The following PRKCE variants were observed in gnomAD, a reference collection of about 807,000 sequenced individuals.
The protein encoded by PRKCE is protein kinase C epsilon.
A neutral mutation model predicts 85.4 loss-of-function variants in PRKCE; 16 were observed. That is an observed-to-expected ratio of 0.19 (90% CI 0.13 to 0.28). The LOEUF is 0.28. PRKCE is among the 10% of genes least tolerant of loss of function. PRKCE has a pLI of 1.00. For missense variants in PRKCE, 573 were observed against 975.2 expected, an observed-to-expected ratio of 0.59 and a Z score of 5.49; for synonymous variants, 388 against 371.5, an observed-to-expected ratio of 1.04 and a Z score of -0.51.
intron 10 of PRKCE, among the ~76,000 whole-genome samples, chr2:46,060,483 C>T (rs182714569): frequency 6.6e-5 from 10 of 152,282 alleles, no homozygotes; most frequent in Non-Finnish European, 1.2e-4. Flanking sequence ...CACACACACT[C>T]ATCAACACGG....
At chr2:45,848,350 G>T (rs12478963) in intron 2 of PRKCE, among the ~76,000 whole-genome samples, 30,144 of 151,522 alleles carry the variant, frequency 0.2, 3,527 homozygotes, top group Non-Finnish European at 0.25. Context: ...TTGCTCTGTC[G>T]CCCAGGCTGG....
intron 2 of PRKCE, among the ~76,000 whole-genome samples, chr2:45,962,513 A>G (rs1034422746): frequency 3.9e-5 from 6 of 152,258 alleles, no homozygotes; most frequent in Non-Finnish European, 7.4e-5. Flanking sequence ...CCCTCTTGGC[A>G]GTTTTCATTT....
At chr2:45,961,000 G>A (rs1413537841) in intron 2 of PRKCE, among the ~76,000 whole-genome samples, 1 of 152,214 alleles carries the variant, frequency 6.6e-6, no homozygotes, top group African/African-American at 2.4e-5. Context: ...CAAACACAGA[G>A]GGGCTGGAAG....
chr2:45,783,577 G>A (rs1159291453), intron 1 of PRKCE, among the ~76,000 whole-genome samples: 1 of 152,204 alleles, frequency 6.6e-6, no homozygotes, highest in South Asian at 2.1e-4. Flanking sequence ...ACCTTTGGTT[G>A]TATGGAAGTC....
chr2:45,916,753 G>A (rs973625069), intron 2 of PRKCE, among the ~76,000 whole-genome samples: 1 of 152,164 alleles, frequency 6.6e-6, no homozygotes, highest in African/African-American at 2.4e-5. Flanking sequence ...ACATCCTACT[G>A]TGTCCGGAAT....
chr2:46,135,746 C>CTTTTTTTTTTTT (rs11417233), intron 11 of PRKCE, among the ~76,000 whole-genome samples: 954 of 20,672 alleles, frequency 0.046, 362 homozygotes, highest in East Asian at 0.1. Flanking sequence ...ACAAATTATG[C>CTTTTTTTTTTTT]TTTTTTTTTT....
At chr2:46,157,544 A>G (rs1482031237) in intron 13 of PRKCE, among the ~76,000 whole-genome samples, 1 of 152,220 alleles carries the variant, frequency 6.6e-6, no homozygotes, top group African/African-American at 2.4e-5. Context: ...GTATCCAGTC[A>G]AAAATGTTAA....
At chr2:45,849,276 C>G (rs533647868) in intron 2 of PRKCE, among the ~76,000 whole-genome samples, 1 of 152,122 alleles carries the variant, frequency 6.6e-6, no homozygotes, top group African/African-American at 2.4e-5. Flanking sequence ...GTCTGGGACA[C>G]TGGGCAGAGC....
intron 10 of PRKCE, among the ~76,000 whole-genome samples, chr2:46,080,972 T>TACAAAC (rs1669010408): frequency 6.8e-6 from 1 of 147,586 alleles, no homozygotes; most frequent in African/African-American, 2.5e-5. Context: ...CAGTTATGCA[T>TACAAAC]ACACACACAC....
chr2:45,926,668 C>T (rs1003498302), intron 2 of PRKCE, among the ~76,000 whole-genome samples: 9 of 152,314 alleles, frequency 5.9e-5, no homozygotes, highest in African/African-American at 7.2e-5. Flanking sequence ...TACTAAATTA[C>T]TGTGTTTCTT....
Position 45,751,768 on chromosome 2 carries a change from C to G in PRKCE, c.349-91232C>G, listed in dbSNP as rs575085481. Among the ~76,000 whole-genome samples, 24 of 151,524 alleles carry G rather than the reference C, an allele frequency of 1.6e-4. No individual in the cohort carries two copies. The South Asian group carries it at 4.8e-3, about 30-fold the overall frequency. ...AAATGAAAATTTCCCATAACCCCAC[C>G]CCCAGTGCTGTTCTAACTCCAGCCT... On this transcript the variant is annotated intron_variant, in intron 1 of 14. Transcript: ENST00000306156.
chr2:45,917,858 G>A (rs1031624348), intron 2 of PRKCE, among the ~76,000 whole-genome samples: 23 of 152,300 alleles, frequency 1.5e-4, no homozygotes, highest in Admixed American at 5.2e-4. Flanking sequence ...CGAGCGCAGC[G>A]CCCGTGGGCC....
At chr2:45,797,346 G>T (rs548349207) in intron 1 of PRKCE, among the ~76,000 whole-genome samples, 2 of 152,172 alleles carry the variant, frequency 1.3e-5, no homozygotes, top group Non-Finnish European at 2.9e-5. Context: ...CCTTACTAGG[G>T]TTTCTCAGCT....
At chr2:45,804,328 C>T (rs1558690396) in intron 1 of PRKCE, among the ~76,000 whole-genome samples, 1 of 152,152 alleles carries the variant, frequency 6.6e-6, no homozygotes, top group East Asian at 1.9e-4. Flanking sequence ...TGTGGAGGAG[C>T]TTTAAAAACC....
intron 10 of PRKCE, among the ~76,000 whole-genome samples, chr2:46,063,859 A>T (rs1667373597): frequency 6.6e-6 from 1 of 152,200 alleles, no homozygotes; most frequent in South Asian, 2.1e-4. Flanking sequence ...AACCTGAGAG[A>T]AGGGTGGAGT....
intron 2 of PRKCE, among the ~76,000 whole-genome samples, chr2:45,904,629 C>G (rs1207569097): frequency 2.6e-5 from 4 of 152,188 alleles, no homozygotes; most frequent in African/African-American, 9.7e-5. Context: ...TGATTACTAA[C>G]TGGCCAGGGC....
intron 2 of PRKCE, among the ~76,000 whole-genome samples, chr2:45,858,618 T>C (rs1692875319): frequency 1.3e-5 from 2 of 152,156 alleles, no homozygotes; most frequent in African/African-American, 4.8e-5. Context: ...TTTCCCCCAA[T>C]GGGGGAAAGA....
chr2:45,719,792 G>GC (rs996729917), intron 1 of PRKCE, among the ~76,000 whole-genome samples: 5 of 152,120 alleles, frequency 3.3e-5, no homozygotes, highest in Non-Finnish European at 7.3e-5. Flanking sequence ...AAGTGCCGTG[G>GC]CTCTTGCCTG....
chr2:45,834,838 T>A (rs930535131), intron 1 of PRKCE, among the ~76,000 whole-genome samples: 1 of 152,250 alleles, frequency 6.6e-6, no homozygotes, highest in Non-Finnish European at 1.5e-5. Context: ...TTTAGGTCAT[T>A]AAGTTCATTA....
Sources: gnomAD v4.1 joint callset for allele counts (sites outside exome capture counted in the v4.1 genomes callset) on GRCh38, gnomAD v4.1.1 for gene constraint, MANE v1.5 for transcripts, NCBI Gene and HGNC (gene_info 2026-07-23, HGNC 2026-07-21) for gene names.